CCNK: variants seen among roughly 807,000 people sequenced by gnomAD.
CCNK encodes cyclin K.
In CCNK, 9 loss-of-function variants were observed where a neutral mutation model predicts 65.0. The observed-to-expected ratio is 0.14, with a 90% CI of 0.08 to 0.24. CCNK has a LOEUF of 0.24. Among genes scored for constraint, CCNK ranks in the 10% least tolerant of loss-of-function variants. The pLI is 1.00. For missense variants in CCNK, 474 were observed against 720.0 expected, an observed-to-expected ratio of 0.66 and a Z score of 3.91; for synonymous variants, 279 against 270.8, an observed-to-expected ratio of 1.03 and a Z score of -0.30.
Position 99,510,601 on chromosome 14 carries a change from C to G in CCNK, c.1562C>G (p.Pro521Arg). The G allele has an allele frequency of 1.1e-6, 1 of 902,126 alleles. No individual in the cohort carries two copies. The highest frequency in any genetic ancestry group is 1.6e-6 in the Non-Finnish European group (1 of 640,466). 55.9% of individuals were successfully genotyped at this position (902,126 alleles called of 1,614,324 possible). A position where few individuals can be genotyped will look rare whatever the true frequency, so the allele number is the denominator to read the frequency against. Reference sequence around the variant, plus strand: ...TACAACCCCAACTTCCCACCCCCACCCCCACGCCTCCCGCCTACCCACGCA... The same window carrying G: ...TACAACCCCAACTTCCCACCCCCACGCCCACGCCTCCCGCCTACCCACGCA... The part of the protein sequence containing the change: ...PTYNPNFPPP[P>R]PRLPPTHAVP... The change falls in exon 11 of 11, where the codon CCC becomes CGC. Residue 521 changes from proline to arginine, a missense_variant. Pro to Arg is a moderately radical substitution (Grantham distance 103, BLOSUM62 -2). This residue lies in a region of CCNK where 38 missense variants were observed against 19.2 expected (regional missense o/e 1.98). Coordinates refer to ENST00000389879, the MANE Select transcript of CCNK (RefSeq NM_001099402.2).
chr14:99,506,550 G>T (rs532266034), intron 9 of CCNK: 1 of 155,572 alleles, frequency 6.4e-6, no homozygotes, highest in Non-Finnish European at 1.4e-5. Flanking sequence ...AACCTCCAGA[G>T]CTCTGCTGAC....
rs1897100290 is a variant in CCNK, at chr14:99,510,475, C to T, written c.1436C>T (p.Pro479Leu). The T allele has an allele frequency of 6.0e-6, 6 of 1,006,244 alleles. No individual in the cohort carries two copies. The highest frequency in any genetic ancestry group is 4.7e-5 in the East Asian group (1 of 21,116). 62.3% of individuals were successfully genotyped at this position (1,006,244 alleles called of 1,614,324 possible). A position where few individuals can be genotyped will look rare whatever the true frequency, so the allele number is the denominator to read the frequency against. ...AHLPYHPHVY[P>L]PNPPPPPVPP... is the part of the protein sequence containing the mutation. ...CTGCCCTACCACCCCCATGTCTACC[C>T]GCCCAACCCGCCCCCGCCACCTGTG... Residue 479 changes from proline to leucine, a missense_variant, in exon 11 of 11, where the codon CCG becomes CTG. Around this residue, in one of 6 missense-constraint regions of CCNK, gnomAD observed 229 missense variants for 275.5 expected, o/e 0.83. Coordinates refer to ENST00000389879, the MANE Select transcript of CCNK (RefSeq NM_001099402.2).
chr14:99,505,361 C>T (rs1454937942), intron 9 of CCNK: 1 of 152,210 alleles, frequency 6.6e-6, no homozygotes, highest in East Asian at 1.9e-4. Context: ...GCTGCAAGCA[C>T]TCGAAATGTG....
chr14:99,503,709 C>A lies in CCNK; in HGVS notation c.1045+65C>A, dbSNP rs1896900979. 8 of 1,367,216 alleles carry A rather than the reference C, an allele frequency of 5.9e-6. No individual in the cohort carries two copies. In the South Asian group the frequency reaches 1.1e-4, roughly 18 times the overall value. 84.7% of individuals were successfully genotyped at this position (1,367,216 alleles called of 1,614,324 possible). On this transcript the variant is annotated intron_variant, in intron 9 of 10. Transcript: ENST00000389879. ...TATATGCAAAACTTTAAATTCTTAG[C>A]CAACATTGTTTCTTTTCAGATCTAA...
At chr14:99,509,927 G>A in intron 10 of CCNK, 3 of 592,242 alleles carry the variant, frequency 5.1e-6, no homozygotes, top group Non-Finnish European at 6.0e-6. Context: ...CAGGGCTGAG[G>A]GAGGGAAAAC....
intron 9 of CCNK, 140 bp from the exon 10 acceptor site, chr14:99,506,936 C>T: frequency 1.4e-6 from 1 of 695,808 alleles, no homozygotes; most frequent in Non-Finnish European, 2.6e-6. Flanking sequence ...TAGCTGAAAC[C>T]TTCTTCAAGT....
intron 4 of CCNK, among the ~76,000 whole-genome samples, chr14:99,496,866 T>C (rs1338346103): frequency 6.6e-6 from 1 of 151,018 alleles, no homozygotes; most frequent in Non-Finnish European, 1.5e-5. Flanking sequence ...TGAGCCAAGA[T>C]TGCGCTACTG....
intron 4 of CCNK, among the ~76,000 whole-genome samples, chr14:99,499,138 C>G (rs1479260102): frequency 6.6e-6 from 1 of 152,190 alleles, no homozygotes; most frequent in Non-Finnish European, 1.5e-5. Flanking sequence ...CGCCCAGGCT[C>G]GAGCGATTCT....
intron 1 of CCNK, among the ~76,000 whole-genome samples, chr14:99,481,982 A>AT (rs1274164284): frequency 6.6e-6 from 1 of 152,162 alleles, no homozygotes; most frequent in Non-Finnish European, 1.5e-5. Context: ...CACTTCCGGG[A>AT]TTAGATTTCG....
intron 1 of CCNK, chr14:99,481,757 A>G: frequency 5.6e-6 from 2 of 357,414 alleles, no homozygotes; most frequent in East Asian, 8.3e-5. Flanking sequence ...AGAGTTGGGG[A>G]ACTTTCTAGG....
At chr14:99,485,267 G>A (rs1283920964) in intron 1 of CCNK, among the ~76,000 whole-genome samples, 3 of 152,162 alleles carry the variant, frequency 2.0e-5, no homozygotes, top group Non-Finnish European at 2.9e-5. Context: ...CTTGTGGACC[G>A]AGGTTCTTTT....
chr14:99,482,743 G>A (rs1299129586), intron 1 of CCNK, among the ~76,000 whole-genome samples: 1 of 152,156 alleles, frequency 6.6e-6, no homozygotes, highest in Non-Finnish European at 1.5e-5. Context: ...TGTTAATGAG[G>A]TTCTTAAATT....
intron 1 of CCNK, among the ~76,000 whole-genome samples, chr14:99,488,857 C>T (rs1896544297): frequency 6.6e-6 from 1 of 150,466 alleles, no homozygotes; most frequent in Admixed American, 6.6e-5. Context: ...TTTCTTTTTG[C>T]TATTCAAATT....
intron 4 of CCNK, among the ~76,000 whole-genome samples, chr14:99,499,252 G>C (rs1896767767): frequency 6.6e-6 from 1 of 152,140 alleles, no homozygotes. Flanking sequence ...TGGCCAGGCT[G>C]GTCTTGAACT....
chr14:99,499,407 C>T (rs1896771331), intron 4 of CCNK, among the ~76,000 whole-genome samples: 2 of 152,152 alleles, frequency 1.3e-5, no homozygotes, highest in Admixed American at 6.5e-5. Context: ...GCTTGGGAAA[C>T]TAAGATTGAA....
At chr14:99,493,102 C>G (rs1338208901) in intron 2 of CCNK, 1 of 511,748 alleles carries the variant, frequency 2.0e-6, no homozygotes, top group East Asian at 3.4e-5. Flanking sequence ...TATGAGGCAC[C>G]CATTAGGATC....
intron 1 of CCNK, chr14:99,492,090 C>T (rs182332903): frequency 2.2e-4 from 34 of 152,406 alleles, no homozygotes; most frequent in Admixed American, 2.2e-3. Flanking sequence ...ATTTGGTTTA[C>T]ATCAGTGAAT....
Position 99,495,572 on chromosome 14 carries a change from A to G in CCNK, c.354A>G (p.Lys118=), listed in dbSNP as rs1296528178. ...ETPKKCKDII[K]TARSLLNDVQ... is the part of the protein sequence containing the mutation. ...CAAAAAAATGTAAAGATATCATCAA[A>G]ACAGCTCGTAGTTTATTAAATGATG... The change falls in exon 4 of 11, where the codon AAA becomes AAG. Residue 118 remains lysine, a synonymous_variant. Coordinates refer to ENST00000389879, the MANE Select transcript of CCNK (RefSeq NM_001099402.2). 6.2e-7 allele frequency: 1 copy of G among 1,613,376 alleles called. No homozygotes were observed. Among genetic ancestry groups the G allele is most frequent in the Non-Finnish European group, 8.5e-7 (1 of 1,179,726 alleles).
Position 99,511,103 on chromosome 14 carries a change from C to T in CCNK, c.*321C>T, listed in dbSNP as rs1214052218. The T allele has an allele frequency of 4.8e-6, 1 of 207,594 alleles. No individual in the cohort carries two copies. The highest frequency in any genetic ancestry group is 6.0e-5 in the Admixed American group (1 of 16,738). The allele number at this position is 207,594 out of a possible 1,614,324, so 12.9% of individuals were successfully genotyped here. Reference sequence around the variant, plus strand: ...GCCATATTGGCTCAATAAATAGCTTCGGTAAGGAGTTAATTTCCTTCTAGA... The same window carrying T: ...GCCATATTGGCTCAATAAATAGCTTTGGTAAGGAGTTAATTTCCTTCTAGA... On this transcript the variant is annotated 3_prime_UTR_variant, in exon 11 of 11. Coordinates refer to ENST00000389879, the MANE Select transcript of CCNK (RefSeq NM_001099402.2).
Sources: gnomAD v4.1 joint callset for allele counts (sites outside exome capture counted in the v4.1 genomes callset) on GRCh38, gnomAD v4.1.1 for gene constraint, gnomAD v4.1.1 regional missense constraint, MANE v1.5 for transcripts, NCBI Gene and HGNC (gene_info 2026-07-23, HGNC 2026-07-21) for gene names.